DGLUCY: variants seen among roughly 807,000 people sequenced by gnomAD.
DGLUCY encodes the protein D-glutamate cyclase, mitochondrial.
A neutral mutation model predicts 58.5 loss-of-function variants in DGLUCY; 58 were observed. The observed-to-expected ratio is 0.99, with a 90% confidence interval of 0.80 to 1.23. DGLUCY has a LOEUF of 1.23. Among genes scored for constraint, DGLUCY ranks in the 50% most tolerant of loss-of-function variants. The pLI is 0.00. For synonymous variants in DGLUCY, 325 were observed against 314.1 expected (o/e 1.03, Z -0.37); for missense variants, 779 against 784.7 (o/e 0.99, Z 0.09).
intron 1 of DGLUCY, among the ~76,000 whole-genome samples, chr14:91,077,010 C>A (rs55862190): frequency 0.28 from 43,221 of 151,832 alleles, 6,266 homozygotes; most frequent in Middle Eastern, 0.32. Flanking sequence ...TCTGGGAGGC[C>A]AAGGTGGAAG....
intron 12 of DGLUCY, among the ~76,000 whole-genome samples, chr14:91,211,028 G>A (rs939656549): frequency 1.3e-5 from 2 of 152,038 alleles, no homozygotes; most frequent in African/African-American, 2.4e-5. Context: ...AAGATACAAA[G>A]TTAAATACTT....
chr14:91,188,787 C>A, intron 8 of DGLUCY, 123 bp from the exon 9 acceptor site: 2 of 1,131,994 alleles, frequency 1.8e-6, no homozygotes, highest in Non-Finnish European at 2.4e-6. Context: ...TGTGATCACG[C>A]CACTGCCTTC....
At chr14:91,196,279 A>G (rs1035613849) in intron 9 of DGLUCY, 96 bp from the exon 10 acceptor site, 7 of 878,828 alleles carry the variant, frequency 8.0e-6, no homozygotes, top group African/African-American at 5.0e-5. Flanking sequence ...CAACAACAGT[A>G]ATGATACCCT....
intron 4 of DGLUCY, 197 bp downstream of exon 4, chr14:91,167,575 C>T: frequency 2.7e-6 from 2 of 754,116 alleles, no homozygotes; most frequent in Non-Finnish European, 4.6e-6. Flanking sequence ...CACCTGGCGC[C>T]TGTCCTGGCT....
At chr14:91,189,362 A>G (rs2049725506) in intron 9 of DGLUCY, among the ~76,000 whole-genome samples, 192 bp downstream of exon 9, 1 of 152,234 alleles carries the variant, frequency 6.6e-6, no homozygotes, top group Admixed American at 6.5e-5. Context: ...CCAGGTGGAA[A>G]TGGTGAGCTG....
intron 1 of DGLUCY, among the ~76,000 whole-genome samples, chr14:91,061,636 A>G (rs2140006922): frequency 6.6e-6 from 1 of 152,376 alleles, no homozygotes; most frequent in East Asian, 1.9e-4. Flanking sequence ...GAGAAATACC[A>G]GCAATAGACA....
Position 91,217,784 on chromosome 14 carries a change from G to A in DGLUCY, c.1716+2228G>A, listed in dbSNP as rs528429365. On this transcript the variant is annotated intron_variant, in intron 13 of 13. Transcript: ENST00000256324. The stretch of plus-strand genomic sequence containing the variant: ...ATTCCAGGCGTGAGCCACCACGCCC[G>A]GCCTCTTTTCTGTCTTTCTTTCCTG... Among the ~76,000 whole-genome samples, 427 of 151,934 alleles carry A rather than the reference G, an allele frequency of 2.8e-3. 2 individuals carry two copies. The highest frequency in any genetic ancestry group is 9.5e-3 in the African/African-American group (396 of 41,486).
intron 1 of DGLUCY, among the ~76,000 whole-genome samples, chr14:91,150,173 T>A (rs934109342): frequency 1.7e-4 from 24 of 139,580 alleles, no homozygotes; most frequent in African/African-American, 6.2e-4. Context: ...GAGTGGAGAT[T>A]GCGCCGCTGC....
intron 9 of DGLUCY, among the ~76,000 whole-genome samples, chr14:91,192,844 TTGCACGTA>T (rs1320982769): frequency 3.3e-5 from 5 of 152,216 alleles, no homozygotes; most frequent in African/African-American, 1.2e-4. Flanking sequence ...GAATTTTGTG[TTGCACGTA>T]TTTTACCATA....
At chr14:91,065,240 C>G (rs897220153) in intron 1 of DGLUCY, among the ~76,000 whole-genome samples, 1 of 152,154 alleles carries the variant, frequency 6.6e-6, no homozygotes, top group African/African-American at 2.4e-5. Context: ...TAGCACAGGG[C>G]TCCAGTGGAG....
chr14:91,207,564 A>G (rs1884957016), intron 12 of DGLUCY, among the ~76,000 whole-genome samples: 1 of 152,188 alleles, frequency 6.6e-6, no homozygotes. Flanking sequence ...CCAAAAAGCT[A>G]CATCTAGACA....
intron 1 of DGLUCY, among the ~76,000 whole-genome samples, chr14:91,157,095 ATGGG>A (rs1363757263): frequency 2.1e-5 from 3 of 142,678 alleles, no homozygotes; most frequent in Non-Finnish European, 3.1e-5. Flanking sequence ...GGATGGATGA[ATGGG>A]TGGATGGATG....
chr14:91,146,842 C>T (rs1160670176), intron 1 of DGLUCY, among the ~76,000 whole-genome samples: 2 of 152,084 alleles, frequency 1.3e-5, no homozygotes, highest in Non-Finnish European at 1.5e-5. Flanking sequence ...CAAGTAGGTA[C>T]CATGGTGATA....
chr14:91,153,083 T>C (rs546546728), intron 1 of DGLUCY, among the ~76,000 whole-genome samples: 1 of 152,322 alleles, frequency 6.6e-6, no homozygotes, highest in African/African-American at 2.4e-5. Context: ...TACTTGCTTC[T>C]GAATCACAAA....
exon 1 of DGLUCY, chr14:91,060,385 TC>T: frequency 6.6e-7 from 1 of 1,508,250 alleles, no homozygotes; most frequent in South Asian, 1.3e-5. Context: ...GTCGCCGCCG[TC>T]CGCGCTGGTC....
intron 1 of DGLUCY, among the ~76,000 whole-genome samples, chr14:91,154,763 C>A (rs2047520067): frequency 6.6e-6 from 1 of 152,204 alleles, no homozygotes; most frequent in African/African-American, 2.4e-5. Flanking sequence ...CGACCTGCAG[C>A]CCTACTAGCT....
chr14:91,225,151 T>G lies in DGLUCY; in HGVS notation c.*318T>G. Reference sequence around the variant, plus strand: ...TGTGAGAATCTTCTCGACAGTTACTTATGGGGACACTTGTGAACAATTAAC... The same window carrying G: ...TGTGAGAATCTTCTCGACAGTTACTGATGGGGACACTTGTGAACAATTAAC... On this transcript the variant is annotated 3_prime_UTR_variant, in exon 14 of 14. Coordinates refer to ENST00000256324, the MANE Select transcript of DGLUCY (RefSeq NM_001102368.3). The G allele has an allele frequency of 5.0e-6, 1 of 201,346 alleles. No homozygotes were observed. The highest frequency in any genetic ancestry group is 1.0e-5 in the Non-Finnish European group (1 of 100,040). 12.5% of individuals were successfully genotyped at this position (201,346 alleles called of 1,614,324 possible).
At chr14:91,062,719 C>T (rs562605394) in intron 1 of DGLUCY, among the ~76,000 whole-genome samples, 1 of 151,442 alleles carries the variant, frequency 6.6e-6, no homozygotes, top group South Asian at 2.1e-4. Flanking sequence ...AGACAAAACA[C>T]AGAAGCCTTG....
At chr14:91,085,374 C>G (rs890087661) in intron 1 of DGLUCY, among the ~76,000 whole-genome samples, 3 of 152,086 alleles carry the variant, frequency 2.0e-5, no homozygotes, top group African/African-American at 7.2e-5. Flanking sequence ...AACTCAAAGG[C>G]CCCTCCTGGG....
Sources: allele counts gnomAD v4.1 joint callset (sites outside exome capture counted in the v4.1 genomes callset), GRCh38; gene constraint gnomAD v4.1.1; transcripts MANE v1.5; gene names NCBI Gene and HGNC (gene_info 2026-07-23, HGNC 2026-07-21).